PRKD1: variants seen among roughly 807,000 people sequenced by gnomAD.
PRKD1 encodes the protein serine/threonine-protein kinase D1.
In PRKD1, 63 loss-of-function variants were observed where a neutral mutation model predicts 95.9. The ratio of observed to expected loss-of-function variants is 0.66; its 90% CI spans 0.54 to 0.81. PRKD1 has a LOEUF of 0.81. Among genes scored for constraint, PRKD1 ranks in the 30% least tolerant of loss-of-function variants. The pLI, the probability that PRKD1 is intolerant of heterozygous loss-of-function variation, is 0.00. For missense variants in PRKD1, 1,048 were observed against 1,165.3 expected (o/e 0.90, Z 1.47); for synonymous variants, 425 against 423.1 (o/e 1.00, Z -0.05).
intron 1 of PRKD1, among the ~76,000 whole-genome samples, chr14:29,877,873 A>C (rs368245343): frequency 5.9e-5 from 9 of 152,334 alleles, no homozygotes; most frequent in African/African-American, 2.2e-4. Context: ...AGCACTATAC[A>C]CAATAGCAAT....
At chr14:29,620,095 T>C (rs958636499) in intron 13 of PRKD1, among the ~76,000 whole-genome samples, 3 of 151,648 alleles carry the variant, frequency 2.0e-5, no homozygotes, top group African/African-American at 7.3e-5. Flanking sequence ...ATTTAATAAA[T>C]GGTGCTGGGA....
intron 2 of PRKD1, among the ~76,000 whole-genome samples, chr14:29,689,203 G>T (rs565793420): frequency 1.3e-5 from 2 of 151,614 alleles, no homozygotes; most frequent in Non-Finnish European, 2.9e-5. Context: ...GAAAAATTTT[G>T]CAATCTACCA....
intron 1 of PRKD1, among the ~76,000 whole-genome samples, chr14:29,746,332 C>A (rs1887217667): frequency 6.6e-6 from 1 of 152,126 alleles, no homozygotes; most frequent in Non-Finnish European, 1.5e-5. Context: ...TTATCTACTA[C>A]CACCTGCCAC....
At chr14:29,867,379 A>C (rs1892947320) in intron 1 of PRKD1, among the ~76,000 whole-genome samples, 2 of 152,222 alleles carry the variant, frequency 1.3e-5, no homozygotes, top group Admixed American at 1.3e-4. Flanking sequence ...TTTGAAAAGA[A>C]CAGGGAATAG....
intron 13 of PRKD1, among the ~76,000 whole-genome samples, chr14:29,607,402 G>A (rs565083678): frequency 1.8e-3 from 268 of 152,304 alleles, no homozygotes; most frequent in Admixed American, 4.4e-3. Flanking sequence ...TCTCTGGTCT[G>A]GGTTTCATAG....
intron 1 of PRKD1, among the ~76,000 whole-genome samples, chr14:29,827,396 A>G (rs948865021): frequency 6.6e-6 from 1 of 152,038 alleles, no homozygotes; most frequent in Non-Finnish European, 1.5e-5. Flanking sequence ...GATGGCACAA[A>G]GACAATTGGA....
chr14:29,718,565 G>A (rs1056614057), intron 2 of PRKD1, among the ~76,000 whole-genome samples: 1 of 151,468 alleles, frequency 6.6e-6, no homozygotes, highest in Non-Finnish European at 1.5e-5. Context: ...AGGAAATGCT[G>A]AAGACACATT....
chr14:29,683,480 G>A (rs1036528997), intron 2 of PRKD1, among the ~76,000 whole-genome samples: 1 of 152,114 alleles, frequency 6.6e-6, no homozygotes, highest in Non-Finnish European at 1.5e-5. Flanking sequence ...TCAGGACAGA[G>A]GTTAGGGGAA....
At position 29,634,358 on chromosome 14, in the gene PRKD1, T is replaced by C. The variant is rs1880223503; in HGVS notation, c.1314+60A>G. 3 of 1,611,930 alleles carry C rather than the reference T, an allele frequency of 1.9e-6. No individual in the cohort carries two copies. In the Admixed American group the frequency reaches 5.0e-5, roughly 27 times the overall value. On this transcript the variant is annotated intron_variant, in intron 8 of 17. Coordinates refer to ENST00000331968, the MANE Select transcript of PRKD1 (RefSeq NM_002742.3). ...AAATCTCACAGTCCTCACGGGACAT[T>C]AGCAACTCCTCTAATTAAAGCTAGC... is the stretch of plus-strand genomic sequence containing the variant.
At chr14:29,912,471 A>G (rs1894749849) in intron 1 of PRKD1, among the ~76,000 whole-genome samples, 1 of 152,190 alleles carries the variant, frequency 6.6e-6, no homozygotes, top group Admixed American at 6.5e-5. Flanking sequence ...TTCCAAACCT[A>G]TAATTCTTAA....
intron 1 of PRKD1, among the ~76,000 whole-genome samples, chr14:29,774,201 C>T (rs1215988093): frequency 1.3e-5 from 2 of 152,136 alleles, no homozygotes; most frequent in African/African-American, 4.8e-5. Flanking sequence ...TAGTGTGGCA[C>T]CTGCTGGAGA....
intron 1 of PRKD1, among the ~76,000 whole-genome samples, chr14:29,888,651 G>A (rs1435143808): frequency 6.6e-6 from 1 of 152,074 alleles, no homozygotes; most frequent in Non-Finnish European, 1.5e-5. Flanking sequence ...GGAGAATACT[G>A]GAAATAAAAC....
chr14:29,734,028 CTTTTTTTTTTTTTTTTTTTTTTTT>C (rs58908662), intron 1 of PRKD1, among the ~76,000 whole-genome samples: 1 of 64,640 alleles, frequency 1.5e-5, no homozygotes, highest in African/African-American at 7.9e-5. Flanking sequence ...ACTTTCCTGC[CTTTTTTTTTTTTTTTTTTTTTTTT>C]TTTTTTTTGA....
intron 1 of PRKD1, chr14:29,751,031 T>C (rs1887458149): frequency 6.6e-6 from 1 of 152,168 alleles, no homozygotes; most frequent in African/African-American, 2.4e-5. Flanking sequence ...TGTTGTCCAC[T>C]GAATGTAAAA....
At chr14:29,665,739 A>G (rs568062724) in intron 3 of PRKD1, among the ~76,000 whole-genome samples, 5 of 152,174 alleles carry the variant, frequency 3.3e-5, no homozygotes, top group East Asian at 1.9e-4. Flanking sequence ...GTTTGTATAT[A>G]TGTGTGTATA....
At chr14:29,707,360 A>T (rs2139345152) in intron 2 of PRKD1, among the ~76,000 whole-genome samples, 1 of 152,246 alleles carries the variant, frequency 6.6e-6, no homozygotes, top group African/African-American at 2.4e-5. Flanking sequence ...ATAGTAAGGG[A>T]TGTAGTTATT....
intron 1 of PRKD1, among the ~76,000 whole-genome samples, chr14:29,869,518 C>T (rs576422515): frequency 6.6e-6 from 1 of 151,130 alleles, no homozygotes; most frequent in East Asian, 1.9e-4. Flanking sequence ...TCTCAGTAAC[C>T]AAAAATGAAC....
chr14:29,843,226 G>A (rs1224700005), intron 1 of PRKD1, among the ~76,000 whole-genome samples: 1 of 152,158 alleles, frequency 6.6e-6, no homozygotes, highest in African/African-American at 2.4e-5. Flanking sequence ...ACCATGTGAA[G>A]ATACAGAGAG....
intron 2 of PRKD1, among the ~76,000 whole-genome samples, chr14:29,706,165 T>C (rs1485961945): frequency 6.6e-6 from 1 of 152,154 alleles, no homozygotes; most frequent in Non-Finnish European, 1.5e-5. Context: ...TATCTCACTG[T>C]AGTTTTGACT....
Sources: gnomAD v4.1 joint callset for allele counts (sites outside exome capture counted in the v4.1 genomes callset) on GRCh38, gnomAD v4.1.1 for gene constraint, MANE v1.5 for transcripts, NCBI Gene and HGNC (gene_info 2026-07-23, HGNC 2026-07-21) for gene names.